Variants in TTBK1 observed in about 807,000 individuals in gnomAD.
TTBK1 encodes the protein tau-tubulin kinase 1.
A neutral mutation model predicts 108.5 loss-of-function variants in TTBK1; 34 were observed. The observed-to-expected ratio is 0.31, with a 90% CI of 0.24 to 0.42. TTBK1 has a LOEUF of 0.42. Among genes scored for constraint, TTBK1 ranks in the 10% least tolerant of loss-of-function variants. The pLI is 1.00. For missense variants in TTBK1, 1,539 were observed against 1,826.0 expected, an observed-to-expected ratio of 0.84 and a Z score of 2.86; for synonymous variants, 809 against 795.1, an observed-to-expected ratio of 1.02 and a Z score of -0.29.
At chr6:43,268,021 CTT>C (rs548818137) in intron 13 of TTBK1, among the ~76,000 whole-genome samples, 68 of 152,346 alleles carry the variant, frequency 4.5e-4, no homozygotes, top group African/African-American at 1.5e-3. Context: ...ACAGAGCACT[CTT>C]ATCTGCTAGA....
In TTBK1 at chr6:43,283,690, G is replaced by T. The variant is rs201117893; in HGVS notation, c.2950G>T (p.Ala984Ser). Residue 984 changes from alanine (A) to serine (S), a missense_variant, in exon 14 of 15, where the codon GCC becomes TCC. Coordinates refer to ENST00000259750, the MANE Select transcript of TTBK1 (RefSeq NM_032538.3). This position sits in a 1 kb window ranked among gnomAD's most constrained non-coding sequence, Gnocchi z 8.1. ...GARAPLENGL[A>S]LSGLNGAEIE... is the part of the protein sequence containing the mutation. ...CCGAGCGCCCCTGGAGAACGGCCTC[G>T]CCCTGTCAGGGCTGAATGGGGCTGA... 67 of 1,613,872 alleles carry T rather than the reference G, an allele frequency of 4.2e-5. 1 individual carries two copies. The Admixed American group carries it at 1.1e-3, about 26-fold the overall frequency.
rs770012918 is a variant in TTBK1 at position 43,255,895 on chromosome 6, A to G, written c.861+39A>G. The G allele has an allele frequency of 7.4e-6, 12 of 1,611,520 alleles. No homozygotes were observed. The Admixed American group carries it at 2.0e-4, about 27-fold the overall frequency. On this transcript the variant is annotated intron_variant, in intron 9 of 14. Transcript: ENST00000259750. ...ACCCTGCCCCCGCTCCCTCGACACC[A>G]CTCTGTGAGTGACTGTCCCCCAGCA...
Position 43,259,701 on chromosome 6 carries a change from G to C in TTBK1, c.1419G>C (p.Glu473Asp), listed in dbSNP as rs769231678. The C allele has an allele frequency of 6.9e-5, 110 of 1,584,190 alleles. No homozygotes were observed. Among genetic ancestry groups the C allele is most frequent in the Non-Finnish European group, 8.7e-5 (101 of 1,166,128 alleles). The change falls in exon 12 of 15, where the codon GAG becomes GAC. Residue 473 changes from glutamate to aspartate, a missense_variant. This residue lies in a region of TTBK1 where 277 missense variants were observed against 332.4 expected (regional missense o/e 0.83). Coordinates refer to ENST00000259750, the MANE Select transcript of TTBK1 (RefSeq NM_032538.3). This position sits in a 1 kb window ranked among gnomAD's most constrained non-coding sequence, Gnocchi z 6.7. Reference sequence around the variant, plus strand: ...CGGACGGGCGAGTGGAGCTACCTGAGAGGAGGTGGGTCTGGGGCCAGGGGC... The same window carrying C: ...CGGACGGGCGAGTGGAGCTACCTGACAGGAGGTGGGTCTGGGGCCAGGGGC... The part of the protein sequence containing the change: ...STADGRVELP[E>D]RRSRMDLPGS...
At chr6:43,250,210 G>A (rs1562081721) in intron 2 of TTBK1, among the ~76,000 whole-genome samples, 1 of 152,122 alleles carries the variant, frequency 6.6e-6, no homozygotes, top group Non-Finnish European at 1.5e-5. Flanking sequence ...CTTATCTCTA[G>A]CAATGATTTC....
At chr6:43,254,119 A>T (rs1562083984) in intron 5 of TTBK1, among the ~76,000 whole-genome samples, 2 of 152,234 alleles carry the variant, frequency 1.3e-5, no homozygotes, top group African/African-American at 4.8e-5. Context: ...TAGGAAAAAA[A>T]TCTCCAACTT....
At chr6:43,251,752 C>A (rs1226702563) in intron 2 of TTBK1, among the ~76,000 whole-genome samples, 2 of 152,236 alleles carry the variant, frequency 1.3e-5, no homozygotes, top group African/African-American at 2.4e-5. Context: ...GGCGCCGGTC[C>A]CACCACGCTC....
At chr6:43,268,377 A>G (rs1777736866) in intron 13 of TTBK1, among the ~76,000 whole-genome samples, 1 of 152,142 alleles carries the variant, frequency 6.6e-6, no homozygotes, top group Admixed American at 6.5e-5. Flanking sequence ...CTGAAACGGA[A>G]AGCAAGGTGG....
Position 43,283,784 on chromosome 6 carries a change from C to T in TTBK1, c.3044C>T (p.Pro1015Leu), listed in dbSNP as rs1562101822. The stretch of plus-strand genomic sequence containing the variant: ...TCAGAGATGGCCACAAACTCACTGC[C>T]CAATGGCCCGGCCCTTGCAGACGGG... ...TPSEMATNSL[P>L]NGPALADGPA... Residue 1015 changes from proline (P) to leucine (L), a missense_variant, in exon 14 of 15, where the codon CCC becomes CTC. Coordinates refer to ENST00000259750, the MANE Select transcript of TTBK1 (RefSeq NM_032538.3). The surrounding 1 kb of genome is among the most constrained non-coding windows in gnomAD (Gnocchi z 8.1). 6.2e-7 allele frequency: 1 copy of T among 1,613,722 alleles called. No homozygotes were observed. The highest frequency in any genetic ancestry group is 1.3e-5 in the African/African-American group (1 of 75,052).
chr6:43,271,779 AT>A, intron 13 of TTBK1: 1 of 980,602 alleles, frequency 1.0e-6, no homozygotes, highest in African/African-American at 1.8e-5. Flanking sequence ...TTATTTATTT[AT>A]TTATTTATTT....
rs186807581 is a variant in TTBK1 at position 43,269,220 on chromosome 6, G to A, written c.1986+5870G>A. Among the ~76,000 whole-genome samples, 651 of 152,322 alleles carry A rather than the reference G, an allele frequency of 4.3e-3. 6 individuals carry two copies. The highest frequency in any genetic ancestry group is 6.5e-3 in the Non-Finnish European group (445 of 68,014). Reference sequence around the variant, plus strand: ...GTTTCTGAGCCCTAATGAGTAGCACGGAATCTAGCTGGGGAGACATGCCAC... The same window carrying A: ...GTTTCTGAGCCCTAATGAGTAGCACAGAATCTAGCTGGGGAGACATGCCAC... On this transcript the variant is annotated intron_variant, in intron 13 of 14. Coordinates refer to ENST00000259750, the MANE Select transcript of TTBK1 (RefSeq NM_032538.3). The surrounding 1 kb of genome is among the most constrained non-coding windows in gnomAD (Gnocchi z 4.8).
intron 2 of TTBK1, among the ~76,000 whole-genome samples, chr6:43,247,150 TC>T (rs1289514403): frequency 1.3e-5 from 2 of 151,988 alleles, no homozygotes; most frequent in East Asian, 3.9e-4. Flanking sequence ...CATGTGTCCC[TC>T]CGCTTCCGCA....
intron 2 of TTBK1, among the ~76,000 whole-genome samples, chr6:43,251,668 C>T (rs535704218): frequency 8.5e-5 from 13 of 152,312 alleles, no homozygotes; most frequent in African/African-American, 1.7e-4. Flanking sequence ...TTCTCCTCCC[C>T]GCCTTTCTCA....
At chr6:43,260,293 A>C (rs1382664777) in intron 12 of TTBK1, among the ~76,000 whole-genome samples, 2 of 152,044 alleles carry the variant, frequency 1.3e-5, no homozygotes, top group African/African-American at 4.8e-5. Flanking sequence ...TGGGTGGACA[A>C]CAAGGGCCAG....
In TTBK1 at chr6:43,269,991, GGT is replaced by G. The variant is rs1777784666; in HGVS notation, c.1986+6643_1986+6644del. On this transcript the variant is annotated intron_variant, in intron 13 of 14. Coordinates refer to ENST00000259750, the MANE Select transcript of TTBK1 (RefSeq NM_032538.3). The surrounding 1 kb of genome is among the most constrained non-coding windows in gnomAD (Gnocchi z 4.8). ...CTCCTGGAGGGGGCAGGTGGGGGGG[GGT>G]GGGGAGCAGGCAGAGGACCATGGTT... is the stretch of plus-strand genomic sequence containing the variant. 3.5e-6 allele frequency: 5 copies of G among 1,429,210 alleles called. No individual in the cohort carries two copies. The African/African-American group carries it at 4.4e-5, about 12-fold the overall frequency. The allele number at this position is 1,429,210 out of a possible 1,614,324, so 88.5% of individuals were successfully genotyped here. A position where few individuals can be genotyped will look rare whatever the true frequency, so the allele number is the denominator to read the frequency against.
chr6:43,257,437 G>A lies in TTBK1; in HGVS notation c.862-375G>A, dbSNP rs1777410647. ...AGAGAGGAGAGGATGAGTGGGAGGG[G>A]CGCCCCAGCAGAGGGGCAGTCTGTG... is the stretch of plus-strand genomic sequence containing the variant. On this transcript the variant is annotated intron_variant, in intron 9 of 14. Transcript: ENST00000259750. This position sits in a 1 kb window ranked among gnomAD's most constrained non-coding sequence, Gnocchi z 4.5. Among the ~76,000 whole-genome samples the A allele has an allele frequency of 6.6e-6, 1 of 152,132 alleles. No homozygotes were observed. The highest frequency in any genetic ancestry group is 2.4e-5 in the African/African-American group (1 of 41,402).
Position 43,246,687 on chromosome 6 carries a change from G to T in TTBK1, c.27G>T (p.Lys9Asn). ...TGCAGTGCCTAGCGGCCGCCCTTAA[G>T]GACGAAACCAACATGAGTGGGGGAG... is the stretch of plus-strand genomic sequence containing the variant. Reference protein sequence around the residue: MQCLAAALKDETNMSGGGE... With the variant: MQCLAAALNDETNMSGGGE... Residue 9 changes from lysine to asparagine, a missense_variant, in exon 2 of 15, where the codon AAG (lysine) becomes AAT (asparagine). This residue lies in a region of TTBK1 where 45 missense variants were observed against 38.0 expected (regional missense o/e 1.19). Transcript: ENST00000259750. 6.2e-7 allele frequency: 1 copy of T among 1,611,488 alleles called. No individual in the cohort carries two copies. The highest frequency in any genetic ancestry group is 8.5e-7 in the Non-Finnish European group (1 of 1,178,914).
chr6:43,283,121 A>G lies in TTBK1; in HGVS notation c.2381A>G (p.Glu794Gly), dbSNP rs1348996160. 6.3e-7 allele frequency: 1 copy of G among 1,577,366 alleles called. No homozygotes were observed. The highest frequency in any genetic ancestry group is 1.2e-5 in the South Asian group (1 of 86,540). Residue 794 changes from glutamate (E) to glycine (G), a missense_variant, in exon 14 of 15, where the codon GAG becomes GGG. Glu to Gly is a moderately conservative substitution (Grantham distance 98). Coordinates refer to ENST00000259750, the MANE Select transcript of TTBK1 (RefSeq NM_032538.3). The surrounding 1 kb of genome is among the most constrained non-coding windows in gnomAD (Gnocchi z 8.1). The stretch of plus-strand genomic sequence containing the variant: ...AGTGGCTCCAGCAGTGAGGGGAGTG[A>G]GAGGAGCACTGACCGGAGCCAGGAG... ...PRSGSSSEGS[E>G]RSTDRSQEGA...
chr6:43,279,892 C>T (rs577182359), intron 13 of TTBK1, among the ~76,000 whole-genome samples: 42 of 151,972 alleles, frequency 2.8e-4, no homozygotes, highest in African/African-American at 8.7e-4. Context: ...GGACCACAGG[C>T]GTGCACAACC....
chr6:43,266,099 T>C (rs954958921), intron 13 of TTBK1, among the ~76,000 whole-genome samples: 4 of 152,158 alleles, frequency 2.6e-5, no homozygotes, highest in Admixed American at 2.6e-4. Context: ...GTTGTGTGTG[T>C]CTTTGGGGGT....
Sources: allele counts gnomAD v4.1 joint callset (sites outside exome capture counted in the v4.1 genomes callset), GRCh38; gene constraint gnomAD v4.1.1; regional missense constraint gnomAD v4.1.1; non-coding constraint Gnocchi (gnomAD v3.1); transcripts MANE v1.5; gene names NCBI Gene and HGNC (gene_info 2026-07-23, HGNC 2026-07-21).